Variants in PHF24 observed in about 807,000 individuals in gnomAD.
PHF24 encodes Galpha inhibitory interacting protein.
In PHF24, 25 loss-of-function variants were observed where a neutral mutation model predicts 42.6. That is an observed-to-expected ratio of 0.59 (90% CI 0.43 to 0.82). The LOEUF (loss-of-function observed/expected upper bound fraction) is 0.82. PHF24 is among the 40% of genes least tolerant of loss of function. The pLI, the probability that PHF24 is intolerant of heterozygous loss-of-function variation, is 0.00. For missense variants in PHF24, 470 were observed against 538.1 expected, an observed-to-expected ratio of 0.87 and a Z score of 1.25; for synonymous variants, 185 against 204.8, an observed-to-expected ratio of 0.90 and a Z score of 0.83.
chr9:34,975,025 C>A (rs1480273941), intron 3 of PHF24, among the ~76,000 whole-genome samples: 1 of 151,886 alleles, frequency 6.6e-6, no homozygotes, highest in African/African-American at 2.4e-5. Flanking sequence ...GTTGCGGCAG[C>A]CCCCAACTGC....
At chr9:34,690,145 G>A in the PHF24 span, 1 of 1,599,800 alleles carries the variant, frequency 6.3e-7, no homozygotes, top group Non-Finnish European at 8.6e-7. Flanking sequence ...AGGGGAATAA[G>A]AAGGTGGGAG....
chr9:34,698,685 G>T, the PHF24 span, among the ~76,000 whole-genome samples: 5 of 152,108 alleles, frequency 3.3e-5, no homozygotes, highest in Non-Finnish European at 7.4e-5. Flanking sequence ...TCTTCATGTT[G>T]GTTAGGCTGG....
chr9:34,971,917 C>T (rs1587473305), intron 2 of PHF24, among the ~76,000 whole-genome samples: 1 of 152,206 alleles, frequency 6.6e-6, no homozygotes, highest in African/African-American at 2.4e-5. Flanking sequence ...GAACCTCCCC[C>T]TCTTCCCCGC....
chr9:34,795,448 A>G, the PHF24 span, among the ~76,000 whole-genome samples: 1 of 152,184 alleles, frequency 6.6e-6, no homozygotes, highest in Non-Finnish European at 1.5e-5. Context: ...TTGCTAGGAG[A>G]CCTAGTCTAC....
At chr9:34,969,360 C>G (rs570914667) in intron 1 of PHF24, among the ~76,000 whole-genome samples, 5 of 152,146 alleles carry the variant, frequency 3.3e-5, no homozygotes, top group African/African-American at 1.2e-4. Flanking sequence ...TGCCCTCTTT[C>G]GCCAGGCACG....
the PHF24 span, among the ~76,000 whole-genome samples, chr9:34,744,361 A>G: frequency 6.6e-6 from 1 of 152,228 alleles, no homozygotes; most frequent in Non-Finnish European, 1.5e-5. Flanking sequence ...ATGCACAAAA[A>G]TCATAGAGCT....
At chr9:34,956,279 T>TGA (rs1487100248), upstream of PHF24, among the ~76,000 whole-genome samples, 1 of 152,200 alleles carries the variant, frequency 6.6e-6, no homozygotes, top group African/African-American at 2.4e-5. Context: ...TGTGTGTGTG[T>TGA]GACGGAGTTT....
the PHF24 span, among the ~76,000 whole-genome samples, chr9:34,716,480 A>G: frequency 1.3e-5 from 2 of 152,160 alleles, no homozygotes; most frequent in Non-Finnish European, 2.9e-5. Flanking sequence ...CTAAATCCTA[A>G]ATGATCTTAA....
chr9:34,948,552 T>C, the PHF24 span, among the ~76,000 whole-genome samples: 1 of 152,194 alleles, frequency 6.6e-6, no homozygotes, highest in Non-Finnish European at 1.5e-5. Context: ...ACAAATACCA[T>C]TGTGCTACAA....
chr9:34,760,597 C>G, the PHF24 span, among the ~76,000 whole-genome samples: 1 of 152,180 alleles, frequency 6.6e-6, no homozygotes, highest in Non-Finnish European at 1.5e-5. Context: ...GGTTACCGCC[C>G]GGTGCAGAAG....
At chr9:34,931,995 G>A in the PHF24 span, among the ~76,000 whole-genome samples, 2 of 152,316 alleles carry the variant, frequency 1.3e-5, no homozygotes, top group East Asian at 1.9e-4. Context: ...AAAGAAAAGT[G>A]TAAGTCCTTA....
At chr9:34,860,354 T>G in the PHF24 span, among the ~76,000 whole-genome samples, 1 of 152,236 alleles carries the variant, frequency 6.6e-6, no homozygotes, top group South Asian at 2.1e-4. Flanking sequence ...AAAATTGTTT[T>G]CCCATAGTTC....
chr9:34,833,342 C>A, the PHF24 span: 1 of 1,550,766 alleles, frequency 6.4e-7, no homozygotes, highest in Non-Finnish European at 8.7e-7. Context: ...GTGGGCAGAA[C>A]CCTGGGGTAC....
the PHF24 span, among the ~76,000 whole-genome samples, chr9:34,779,857 C>T: frequency 6.6e-6 from 1 of 152,188 alleles, no homozygotes; most frequent in Non-Finnish European, 1.5e-5. Flanking sequence ...TCCTGAGTAG[C>T]TGGGAGTACA....
At chr9:34,976,101 CCTTT>C (rs1419155720) in intron 3 of PHF24, 47 bp from the exon 4 acceptor site, 25 of 1,296,084 alleles carry the variant, frequency 1.9e-5, no homozygotes, top group Non-Finnish European at 2.8e-5. Flanking sequence ...TTGACCCTGG[CCTTT>C]CTTACTGGCC....
At chr9:34,759,318 C>G in the PHF24 span, among the ~76,000 whole-genome samples, 1 of 152,184 alleles carries the variant, frequency 6.6e-6, no homozygotes, top group Non-Finnish European at 1.5e-5. Context: ...CCAATCACAT[C>G]CTCCCTGAGG....
At chr9:34,912,034 A>G in the PHF24 span, among the ~76,000 whole-genome samples, 2 of 152,228 alleles carry the variant, frequency 1.3e-5, no homozygotes, top group African/African-American at 4.8e-5. Context: ...AAGATGGACC[A>G]AGCAAGCTAG....
the PHF24 span, among the ~76,000 whole-genome samples, chr9:34,828,124 C>T: frequency 1.3e-5 from 2 of 151,966 alleles, no homozygotes; most frequent in Non-Finnish European, 2.9e-5. Flanking sequence ...CATACCATTC[C>T]CCCTTCCCAC....
At chr9:34,786,802 A>AGGTCTC in the PHF24 span, among the ~76,000 whole-genome samples, 1 of 152,234 alleles carries the variant, frequency 6.6e-6, no homozygotes, top group East Asian at 1.9e-4. Flanking sequence ...CTCATGCTTC[A>AGGTCTC]GGTCTCTTGG....
Sources: gnomAD v4.1 joint callset for allele counts (sites outside exome capture counted in the v4.1 genomes callset) on GRCh38, gnomAD v4.1.1 for gene constraint, MANE v1.5 for transcripts, NCBI Gene and HGNC (gene_info 2026-07-23, HGNC 2026-07-21) for gene names.